Variants in ANKS1B observed in about 807,000 individuals in gnomAD.
ANKS1B encodes the protein ankyrin repeat and sterile alpha motif domain-containing protein 1B.
ANKS1B carries 36 observed loss-of-function variants against 148.3 expected under a neutral mutation model. The ratio of observed to expected loss-of-function variants is 0.24; its 90% confidence interval spans 0.19 to 0.32. ANKS1B has a LOEUF of 0.32. ANKS1B is among the 10% of genes least tolerant of loss of function. The pLI is 1.00. For synonymous variants in ANKS1B, 542 were observed against 560.8 expected, an observed-to-expected ratio of 0.97 and a Z score of 0.47; for missense variants, 1,157 against 1,542.6, an observed-to-expected ratio of 0.75 and a Z score of 4.19.
intron 9 of ANKS1B, among the ~76,000 whole-genome samples, chr12:99,557,735 A>C (rs890588219): frequency 1.3e-5 from 2 of 152,200 alleles, no homozygotes; most frequent in Non-Finnish European, 2.9e-5. Context: ...TACAAAGACA[A>C]TCTGGCTTTT....
intron 15 of ANKS1B, among the ~76,000 whole-genome samples, chr12:99,138,793 C>T (rs767955342): frequency 2.6e-5 from 4 of 152,110 alleles, no homozygotes; most frequent in Non-Finnish European, 5.9e-5. Context: ...TCCTTCACCC[C>T]GTTCTTTACT....
At chr12:99,307,896 G>A (rs779090898) in intron 12 of ANKS1B, among the ~76,000 whole-genome samples, 3 of 152,004 alleles carry the variant, frequency 2.0e-5, no homozygotes, top group South Asian at 2.1e-4. Context: ...TTGTTTCAGA[G>A]TTGAGACTAG....
In ANKS1B at chr12:99,846,887, C is replaced by T. The variant is rs990541133; in HGVS notation, c.135-21498G>A. On this transcript the variant is annotated intron_variant, in intron 1 of 26. Transcript: ENST00000683438. The stretch of plus-strand genomic sequence containing the variant: ...TTGCGGAATGCAGTCTTTGTGTAGA[C>T]AGGTTATCTGTTCTCCTCCCCTCCC... Among the ~76,000 whole-genome samples the T allele has an allele frequency of 2.6e-5, 4 of 152,054 alleles. No individual in the cohort carries two copies. In the East Asian group the frequency reaches 5.8e-4, roughly 22 times the overall value.
At chr12:99,664,989 TG>T (rs2098498748) in intron 8 of ANKS1B, among the ~76,000 whole-genome samples, 2 of 152,202 alleles carry the variant, frequency 1.3e-5, no homozygotes, top group Non-Finnish European at 1.5e-5. Flanking sequence ...TTCCATTGTA[TG>T]GCTATACCAA....
intron 25 of ANKS1B, among the ~76,000 whole-genome samples, chr12:98,760,271 CTTT>C (rs11395668): frequency 4.1e-5 from 6 of 147,276 alleles, no homozygotes; most frequent in African/African-American, 1.5e-4. Flanking sequence ...CTTATTCTTG[CTTT>C]TTTTTTTTGA....
intron 4 of ANKS1B, among the ~76,000 whole-genome samples, chr12:99,793,120 A>C (rs1304088383): frequency 6.6e-6 from 1 of 151,890 alleles, no homozygotes; most frequent in Non-Finnish European, 1.5e-5. Flanking sequence ...CTAAATACCT[A>C]GGAATTAACC....
At chr12:99,459,211 T>A (rs2152847113) in intron 10 of ANKS1B, among the ~76,000 whole-genome samples, 1 of 152,204 alleles carries the variant, frequency 6.6e-6, no homozygotes, top group East Asian at 1.9e-4. Context: ...AAATCCAGCA[T>A]CCCTTTATGA....
At chr12:98,735,541 A>G (rs374135572) in exon 10 of ANKS1B, 1 of 759,664 alleles carries the variant, frequency 1.3e-6, no homozygotes, top group African/African-American at 1.7e-5. Flanking sequence ...TTTATCAGCT[A>G]TATGTAAATT....
intron 11 of ANKS1B, among the ~76,000 whole-genome samples, chr12:99,424,106 T>C (rs1332312854): frequency 6.6e-6 from 1 of 152,236 alleles, no homozygotes; most frequent in Admixed American, 6.5e-5. Context: ...CTTGCACATA[T>C]ACATATATAT....
intron 8 of ANKS1B, among the ~76,000 whole-genome samples, chr12:99,702,720 T>TGTAGAGGCAGAG (rs1211566477): frequency 6.6e-6 from 1 of 151,882 alleles, no homozygotes; most frequent in African/African-American, 2.4e-5. Flanking sequence ...TTTTTTTTTT[T>TGTAGAGGCAGAG]TTTTTGTAGA....
intron 8 of ANKS1B, among the ~76,000 whole-genome samples, chr12:99,702,003 G>C (rs958216838): frequency 6.6e-6 from 1 of 152,138 alleles, no homozygotes; most frequent in Admixed American, 6.5e-5. Context: ...GTAAACATGG[G>C]AGTGCAGGTA....
chr12:99,924,894 A>G lies in ANKS1B; in HGVS notation c.134+59210T>C, dbSNP rs553523444. Among the ~76,000 whole-genome samples, 13 of 152,108 alleles carry G rather than the reference A, an allele frequency of 8.5e-5. 1 individual carries two copies. The South Asian group carries it at 1.9e-3, about 22-fold the overall frequency. ...CATCAAACGGCACCCACATCACTCT[A>G]TTTCTGTATCCTTGCTCACTTTTCT... On this transcript the variant is annotated intron_variant, in intron 1 of 26. Coordinates refer to ENST00000683438, the MANE Select transcript of ANKS1B (RefSeq NM_001352186.2).
intron 8 of ANKS1B, among the ~76,000 whole-genome samples, chr12:99,712,769 A>G (rs1180238839): frequency 6.6e-6 from 1 of 152,174 alleles, no homozygotes; most frequent in African/African-American, 2.4e-5. Context: ...GAAGGGGAAA[A>G]AGGGGTCACT....
At chr12:99,301,998 G>A (rs2081693869) in intron 12 of ANKS1B, among the ~76,000 whole-genome samples, 1 of 152,074 alleles carries the variant, frequency 6.6e-6, no homozygotes, top group African/African-American at 2.4e-5. Flanking sequence ...TGGGAGAAGT[G>A]TGTACAGTAG....
At chr12:99,211,999 C>T (rs2083404477) in intron 14 of ANKS1B, among the ~76,000 whole-genome samples, 1 of 152,194 alleles carries the variant, frequency 6.6e-6, no homozygotes, top group African/African-American at 2.4e-5. Flanking sequence ...GCAATTCAAT[C>T]TGCCACAAAG....
chr12:98,756,727 CTTTTTT>C (rs1197713336), intron 25 of ANKS1B, among the ~76,000 whole-genome samples: 1 of 127,436 alleles, frequency 7.8e-6, no homozygotes, highest in African/African-American at 3.0e-5. Flanking sequence ...CTCCATCTAT[CTTTTTT>C]TTTTTTTTTT....
chr12:99,744,311 T>C (rs1040773816), intron 8 of ANKS1B, among the ~76,000 whole-genome samples: 1 of 152,216 alleles, frequency 6.6e-6, no homozygotes, highest in Non-Finnish European at 1.5e-5. Context: ...ATACACTAAA[T>C]AGTATAGAAT....
intron 17 of ANKS1B, among the ~76,000 whole-genome samples, chr12:98,905,585 C>T (rs1214702843): frequency 6.6e-6 from 1 of 152,058 alleles, no homozygotes; most frequent in Non-Finnish European, 1.5e-5. Context: ...TCCTGGACAA[C>T]ATAGCGAGAC....
chr12:99,690,076 G>C (rs1412388211), intron 8 of ANKS1B, among the ~76,000 whole-genome samples: 1 of 152,090 alleles, frequency 6.6e-6, no homozygotes, highest in Non-Finnish European at 1.5e-5. Flanking sequence ...TTCTTCACAG[G>C]GCGGCAGGAC....
Sources: allele counts gnomAD v4.1 joint callset (sites outside exome capture counted in the v4.1 genomes callset), GRCh38; gene constraint gnomAD v4.1.1; transcripts MANE v1.5; gene names NCBI Gene and HGNC (gene_info 2026-07-23, HGNC 2026-07-21).